Variants in IGSF9B observed in about 807,000 individuals in gnomAD.
The protein encoded by IGSF9B is immunoglobulin superfamily member 9B.
A neutral mutation model predicts 143.7 loss-of-function variants in IGSF9B; 48 were observed. That is an observed-to-expected ratio of 0.33 (90% CI 0.26 to 0.42). The LOEUF (loss-of-function observed/expected upper bound fraction) is 0.42. Ranked by LOEUF, IGSF9B falls within the 20% of genes least tolerant of loss-of-function variation. The pLI is 1.00. For synonymous variants in IGSF9B, 903 were observed against 833.1 expected (o/e 1.08, Z -1.44); for missense variants, 1,706 against 1,980.0 (o/e 0.86, Z 2.63).
At position 133,921,350 on chromosome 11, in the gene IGSF9B, G is replaced by A. The variant is rs754085054; in HGVS notation, c.2375C>T (p.Ala792Val). The A allele has an allele frequency of 2.1e-5, 33 of 1,577,844 alleles. No homozygotes were observed. The highest frequency in any genetic ancestry group is 4.5e-5 in the East Asian group (2 of 44,448). The change falls in exon 18 of 20, where the codon GCG (alanine) becomes GTG (valine). Residue 792 changes from alanine to valine, a missense_variant. Coordinates refer to ENST00000533871, the MANE Select transcript of IGSF9B (RefSeq NM_001277285.4). ...CTGGTCGTCGGAGGATTCTGACGGC[G>A]CTCGGAGCGTGCGGATGCTCTCGGG... ...VSPESIRTLRAPSESSDDQGQ... is the reference protein window; with the variant it reads ...VSPESIRTLRVPSESSDDQGQ...
At chr11:133,924,530 A>G (rs937161023) in intron 15 of IGSF9B, among the ~76,000 whole-genome samples, 3 of 152,220 alleles carry the variant, frequency 2.0e-5, no homozygotes, top group South Asian at 2.1e-4. Context: ...TAGCACTTCA[A>G]TCAAGTCCTT....
In IGSF9B at chr11:133,898,697, CT is replaced by C. The variant is rs1045016489; in HGVS notation, c.*10371del. The C allele has an allele frequency of 6.5e-6, 1 of 153,702 alleles. No individual in the cohort carries two copies. Among genetic ancestry groups the C allele is most frequent in the Non-Finnish European group, 1.5e-5 (1 of 68,112 alleles). 9.5% of individuals were successfully genotyped at this position (153,702 alleles called of 1,614,324 possible). On this transcript the variant is annotated 3_prime_UTR_variant, in exon 20 of 20. Coordinates refer to ENST00000533871, the MANE Select transcript of IGSF9B (RefSeq NM_001277285.4). ...TGGAGCGTTAAACTGCTCTTCTCCC[CT>C]AGCCAACAATTCCCCTTTCTAACAC... is the stretch of plus-strand genomic sequence containing the variant.
At chr11:133,924,762 C>T (rs1161353215) in intron 15 of IGSF9B, 58 bp downstream of exon 15, 5 of 1,380,342 alleles carry the variant, frequency 3.6e-6, no homozygotes, top group Non-Finnish European at 4.1e-6. Context: ...AAATGACCCC[C>T]ATGCAGCTCT....
intron 3 of IGSF9B, among the ~76,000 whole-genome samples, chr11:133,943,162 G>A (rs1022218702): frequency 6.6e-6 from 1 of 152,168 alleles, no homozygotes; most frequent in Non-Finnish European, 1.5e-5. Flanking sequence ...CTCAAGGACC[G>A]TAAGCTGTAT....
chr11:133,931,372 G>A lies in IGSF9B; in HGVS notation c.1368+81C>T. The A allele has an allele frequency of 1.9e-6, 2 of 1,042,926 alleles. No homozygotes were observed. The highest frequency in any genetic ancestry group is 2.5e-5 in the East Asian group (1 of 40,640). The allele number at this position is 1,042,926 out of a possible 1,614,324, so 64.6% of individuals were successfully genotyped here. ...TCCCCTCAGCCCCGGGGCTCGCTGG[G>A]CCCTCAAACCTCCCCGCAGCCCCAG... On this transcript the variant is annotated intron_variant, in intron 10 of 19. Transcript: ENST00000533871. The surrounding 1 kb of genome is among the most constrained non-coding windows in gnomAD (Gnocchi z 7.7).
At chr11:133,940,381 C>A (rs1488827736) in intron 3 of IGSF9B, among the ~76,000 whole-genome samples, 1 of 142,894 alleles carries the variant, frequency 7.0e-6, no homozygotes, top group Non-Finnish European at 1.5e-5. Context: ...CGCACGTCCT[C>A]GCATGCGTCA....
rs1263623390 is a variant in IGSF9B at position 133,920,975 on chromosome 11, G to A, written c.2750C>T (p.Ser917Phe). ...ALKSQLTPLS[S>F]SQESYLPPPA... ...TGGTGGCAGGTAGGACTCCTGGCTG[G>A]ATGACAGAGGGGTGAGCTGGGACTT... The change falls in exon 18 of 20, where the codon TCC becomes TTC. Residue 917 changes from serine (S) to phenylalanine (F), a missense_variant. Physicochemically the swap from Ser to Phe is radical, Grantham distance 155 (BLOSUM62 -2). Coordinates refer to ENST00000533871, the MANE Select transcript of IGSF9B (RefSeq NM_001277285.4). 2 of 1,610,638 alleles carry A rather than the reference G, an allele frequency of 1.2e-6. No individual in the cohort carries two copies. Among genetic ancestry groups the A allele is most frequent in the Non-Finnish European group, 1.7e-6 (2 of 1,178,036 alleles).
chr11:133,915,256 TTC>T (rs752318217), intron 18 of IGSF9B, among the ~76,000 whole-genome samples: 1,426 of 131,544 alleles, frequency 0.011, 156 homozygotes, highest in Middle Eastern at 0.038. Context: ...TGGAACTTAC[TTC>T]TCTCTCTCTC....
intron 11 of IGSF9B, 80 bp from the exon 12 acceptor site, chr11:133,929,862 C>A: frequency 1.1e-6 from 1 of 910,780 alleles, no homozygotes; most frequent in Non-Finnish European, 1.8e-6. Context: ...CTGTGGGGAA[C>A]CTGAGAGGCT....
intron 5 of IGSF9B, among the ~76,000 whole-genome samples, 183 bp from the exon 6 acceptor site, chr11:133,936,377 C>T (rs900115999): frequency 2.6e-5 from 4 of 152,150 alleles, no homozygotes; most frequent in South Asian, 2.1e-4. Flanking sequence ...CCCCTGCCCC[C>T]GCACCAGGCT....
At chr11:133,918,279 G>T (rs1025377252) in intron 18 of IGSF9B, among the ~76,000 whole-genome samples, 1 of 148,864 alleles carries the variant, frequency 6.7e-6, no homozygotes, top group African/African-American at 2.5e-5. Context: ...GGAGAGGCTT[G>T]TCTCGACAAC....
intron 1 of IGSF9B, among the ~76,000 whole-genome samples, chr11:133,949,912 A>G (rs1940128042): frequency 6.6e-6 from 1 of 152,232 alleles, no homozygotes; most frequent in African/African-American, 2.4e-5. Context: ...AGAAGGCCAG[A>G]AATAGCGGTG....
At chr11:133,937,779 C>T (rs1413503582) in intron 4 of IGSF9B, 31 bp downstream of exon 4, 7 of 1,598,606 alleles carry the variant, frequency 4.4e-6, no homozygotes, top group East Asian at 4.5e-5. Flanking sequence ...GGGAAGAGAC[C>T]GCAGCGGCCC....
rs570315281 is a variant in IGSF9B, at chr11:133,913,208, A to C, written c.3984-1201T>G. Among the ~76,000 whole-genome samples the C allele has an allele frequency of 6.6e-6, 1 of 151,960 alleles. No individual in the cohort carries two copies. The highest frequency in any genetic ancestry group is 1.9e-4 in the East Asian group (1 of 5,160). ...CGCTCTTCTTCTCCTGGACCCCCCA[A>C]CTCCCTCCCCTATCTCCATTGCAAA... On this transcript the variant is annotated intron_variant, in intron 18 of 19. Transcript: ENST00000533871. This position sits in a 1 kb window ranked among gnomAD's most constrained non-coding sequence, Gnocchi z 4.6.
At chr11:133,927,205 T>G (rs1939644096) in intron 12 of IGSF9B, 114 bp from the exon 13 acceptor site, 1 of 845,274 alleles carries the variant, frequency 1.2e-6, no homozygotes, top group East Asian at 2.7e-5. Flanking sequence ...CTGGCGTTCC[T>G]AGGTTCAAGG....
intron 15 of IGSF9B, 110 bp downstream of exon 15, chr11:133,924,710 A>C: frequency 1.1e-6 from 1 of 891,066 alleles, no homozygotes; most frequent in Non-Finnish European, 1.8e-6. Flanking sequence ...GCACTGCCTT[A>C]GTTTCCAATC....
chr11:133,944,149 G>C, intron 3 of IGSF9B, 71 bp downstream of exon 3: 1 of 1,493,448 alleles, frequency 6.7e-7, no homozygotes, highest in Non-Finnish European at 9.0e-7. Flanking sequence ...CCCTGGGGCA[G>C]GCCCACCCCG....
intron 1 of IGSF9B, among the ~76,000 whole-genome samples, chr11:133,951,477 C>T (rs1381337373): frequency 6.6e-6 from 1 of 152,236 alleles, no homozygotes; most frequent in Non-Finnish European, 1.5e-5. Flanking sequence ...CTTCCTTCTG[C>T]GGGGGCCGCT....
At chr11:133,952,809 A>G (rs990012370) in intron 1 of IGSF9B, among the ~76,000 whole-genome samples, 2 of 152,284 alleles carry the variant, frequency 1.3e-5, no homozygotes, top group East Asian at 1.9e-4. Flanking sequence ...GCATGTGCAC[A>G]CACACACACT....
Sources: gnomAD v4.1 joint callset for allele counts (sites outside exome capture counted in the v4.1 genomes callset) on GRCh38, gnomAD v4.1.1 for gene constraint, Gnocchi (gnomAD v3.1) non-coding constraint, MANE v1.5 for transcripts, NCBI Gene and HGNC (gene_info 2026-07-23, HGNC 2026-07-21) for gene names.